SHISA9: variants seen among roughly 807,000 people sequenced by gnomAD.
The protein encoded by SHISA9 is protein shisa-9.
SHISA9 carries 13 observed loss-of-function variants against 38.0 expected under a neutral mutation model. The ratio of observed to expected loss-of-function variants is 0.34; its 90% confidence interval spans 0.22 to 0.54. The LOEUF (loss-of-function observed/expected upper bound fraction) is 0.54, where lower values mean the gene tolerates loss of function less well. Among genes scored for constraint, SHISA9 ranks in the 20% least tolerant of loss-of-function variants. The pLI, the probability that SHISA9 is intolerant of heterozygous loss-of-function variation, is 0.91. For synonymous variants in SHISA9, 275 were observed against 242.0 expected (o/e 1.14, Z -1.27); for missense variants, 538 against 575.8 (o/e 0.93, Z 0.67).
the SHISA9 span, among the ~76,000 whole-genome samples, chr16:13,392,653 C>T: frequency 6.6e-6 from 1 of 152,164 alleles, no homozygotes; most frequent in Non-Finnish European, 1.5e-5. Flanking sequence ...AGTCCCAACA[C>T]CCACTGCGTT....
chr16:13,511,964 C>G, the SHISA9 span, among the ~76,000 whole-genome samples: 1 of 152,092 alleles, frequency 6.6e-6, no homozygotes, highest in Non-Finnish European at 1.5e-5. Context: ...GTTCCTATTC[C>G]TGCCAGCCAG....
chr16:13,206,913 G>A (rs1201023232), intron 3 of SHISA9, among the ~76,000 whole-genome samples: 1 of 152,228 alleles, frequency 6.6e-6, no homozygotes, highest in African/African-American at 2.4e-5. Flanking sequence ...AAGAGTCACG[G>A]CATCTTTGCC....
the SHISA9 span, among the ~76,000 whole-genome samples, chr16:13,541,656 C>G: frequency 6.6e-6 from 1 of 152,180 alleles, no homozygotes; most frequent in East Asian, 1.9e-4. Context: ...TTTCTATGAA[C>G]ACACTCAGGG....
At chr16:13,431,811 A>G in the SHISA9 span, among the ~76,000 whole-genome samples, 1 of 152,218 alleles carries the variant, frequency 6.6e-6, no homozygotes, top group African/African-American at 2.4e-5. Flanking sequence ...CTGTAATCCC[A>G]GAACTTTGGG....
At chr16:12,927,368 A>G (rs1038026781) in intron 2 of SHISA9, among the ~76,000 whole-genome samples, 1 of 152,108 alleles carries the variant, frequency 6.6e-6, no homozygotes, top group African/African-American at 2.4e-5. Flanking sequence ...GCTCATACCA[A>G]GACTGCCAAT....
At chr16:13,494,273 C>T in the SHISA9 span, among the ~76,000 whole-genome samples, 1 of 152,084 alleles carries the variant, frequency 6.6e-6, no homozygotes, top group African/African-American at 2.4e-5. Context: ...GAAGTCTGTC[C>T]AACAGCAGAA....
At chr16:12,941,627 GGC>G (rs2071612856) in intron 2 of SHISA9, among the ~76,000 whole-genome samples, 1 of 152,144 alleles carries the variant, frequency 6.6e-6, no homozygotes, top group Admixed American at 6.5e-5. Flanking sequence ...GGGAGGCTGA[GGC>G]AGGCTCACCT....
chr16:13,320,211 A>G, the SHISA9 span, among the ~76,000 whole-genome samples: 3 of 144,854 alleles, frequency 2.1e-5, no homozygotes, highest in Non-Finnish European at 4.5e-5. Context: ...GAATCGCTTG[A>G]ACCCAGGAGG....
the SHISA9 span, among the ~76,000 whole-genome samples, chr16:13,374,491 G>A: frequency 1.3e-5 from 2 of 152,150 alleles, no homozygotes; most frequent in African/African-American, 4.8e-5. Flanking sequence ...CAAAGGACAT[G>A]AACTCATCCT....
chr16:13,247,199 C>T, the SHISA9 span, among the ~76,000 whole-genome samples: 1 of 152,070 alleles, frequency 6.6e-6, no homozygotes, highest in Non-Finnish European at 1.5e-5. Context: ...AACTCACTCA[C>T]TATCATGAGA....
the SHISA9 span, among the ~76,000 whole-genome samples, chr16:13,405,263 G>A: frequency 6.6e-6 from 1 of 152,210 alleles, no homozygotes; most frequent in Non-Finnish European, 1.5e-5. Flanking sequence ...CCCAGTCCTA[G>A]TGAAAGGAAG....
intron 2 of SHISA9, among the ~76,000 whole-genome samples, chr16:13,180,657 C>A (rs1295930239): frequency 6.6e-6 from 1 of 152,182 alleles, no homozygotes; most frequent in Non-Finnish European, 1.5e-5. Flanking sequence ...ATGACTGCAT[C>A]ACCGCACTCC....
At chr16:13,069,314 C>T (rs1489124001) in intron 2 of SHISA9, among the ~76,000 whole-genome samples, 1 of 150,332 alleles carries the variant, frequency 6.7e-6, no homozygotes, top group Non-Finnish European at 1.5e-5. Flanking sequence ...TATGTGTATA[C>T]ATGTACACAC....
At chr16:13,364,566 C>A in the SHISA9 span, among the ~76,000 whole-genome samples, 1 of 152,128 alleles carries the variant, frequency 6.6e-6, no homozygotes, top group Non-Finnish European at 1.5e-5. Flanking sequence ...ATTAAACAGA[C>A]AATGCCCAAT....
chr16:13,487,400 A>G, the SHISA9 span, among the ~76,000 whole-genome samples: 1 of 152,230 alleles, frequency 6.6e-6, no homozygotes, highest in Non-Finnish European at 1.5e-5. Context: ...CAGGAAGCTT[A>G]CAATCATGGC....
intron 2 of SHISA9, among the ~76,000 whole-genome samples, chr16:12,959,609 C>T (rs151139875): frequency 1.1e-4 from 16 of 152,246 alleles, no homozygotes; most frequent in Admixed American, 3.3e-4. Flanking sequence ...AAAACCAGGG[C>T]GGAGAGAGAT....
At chr16:12,979,333 A>AAT (rs2072209940) in intron 2 of SHISA9, among the ~76,000 whole-genome samples, 1 of 152,040 alleles carries the variant, frequency 6.6e-6, no homozygotes, top group South Asian at 2.1e-4. Flanking sequence ...AGGGACACAA[A>AAT]ACTGGACTGC....
chr16:13,534,157 T>G, the SHISA9 span, among the ~76,000 whole-genome samples: 20 of 151,888 alleles, frequency 1.3e-4, no homozygotes, highest in Admixed American at 9.2e-4. Flanking sequence ...CTTTTTACCA[T>G]TTACAACACA....
chr16:13,272,257 T>C, the SHISA9 span, among the ~76,000 whole-genome samples: 3 of 152,036 alleles, frequency 2.0e-5, no homozygotes. Context: ...GAAGAAACAA[T>C]AGTGATCGCC....
Sources: allele counts gnomAD v4.1 joint callset (sites outside exome capture counted in the v4.1 genomes callset), GRCh38; gene constraint gnomAD v4.1.1; transcripts MANE v1.5; gene names NCBI Gene and HGNC (gene_info 2026-07-23, HGNC 2026-07-21).